SRPK1: variants seen among roughly 807,000 people sequenced by gnomAD.
The protein encoded by SRPK1 is SRSF protein kinase 1.
In SRPK1, 52 loss-of-function variants were observed where a neutral mutation model predicts 89.5. That is an observed-to-expected ratio of 0.58 (90% CI 0.46 to 0.73). SRPK1 has a LOEUF of 0.73. Among genes scored for constraint, SRPK1 ranks in the 30% least tolerant of loss-of-function variants. SRPK1 has a pLI of 0.00. For missense variants in SRPK1, 603 were observed against 780.6 expected (o/e 0.77, Z 2.71); for synonymous variants, 255 against 270.2 (o/e 0.94, Z 0.55).
chr6:35,840,750 C>T (rs1769289005), intron 14 of SRPK1, among the ~76,000 whole-genome samples: 1 of 152,142 alleles, frequency 6.6e-6, no homozygotes, highest in Non-Finnish European at 1.5e-5. Flanking sequence ...ACAAACTATG[C>T]ACACACTAGT....
At chr6:35,870,837 T>C in intron 9 of SRPK1, 97 bp downstream of exon 9, 1 of 1,098,020 alleles carries the variant, frequency 9.1e-7, no homozygotes, top group Non-Finnish European at 1.3e-6. Flanking sequence ...TTCCTTTTGG[T>C]TCTCAAACTT....
At chr6:35,884,200 A>G (rs1455465390) in intron 6 of SRPK1, among the ~76,000 whole-genome samples, 30 of 152,198 alleles carry the variant, frequency 2.0e-4, no homozygotes. Context: ...AAAGTATCCT[A>G]AAGACATAGG....
intron 3 of SRPK1, among the ~76,000 whole-genome samples, chr6:35,890,679 T>C (rs1236797137): frequency 6.6e-6 from 1 of 152,256 alleles, no homozygotes; most frequent in East Asian, 1.9e-4. Flanking sequence ...ATATGTATTA[T>C]AATTTTTAAA....
In SRPK1 at chr6:35,835,231, G is replaced by A; in HGVS notation, c.*73C>T. 1 of 1,319,952 alleles carries A rather than the reference G, an allele frequency of 7.6e-7. No homozygotes were observed. Among genetic ancestry groups the A allele is most frequent in the East Asian group, 2.4e-5 (1 of 42,250 alleles). 81.8% of individuals were successfully genotyped at this position (1,319,952 alleles called of 1,614,324 possible). On this transcript the variant is annotated 3_prime_UTR_variant, in exon 16 of 16. Transcript: ENST00000373825. ...GAAGGAAGAGCTTCACCCTGAAAAG[G>A]GAAGAGGAAAATGCTTGAAGGGGAA...
intron 2 of SRPK1, among the ~76,000 whole-genome samples, chr6:35,906,841 C>A (rs1054932502): frequency 6.6e-6 from 1 of 151,830 alleles, no homozygotes; most frequent in African/African-American, 2.4e-5. Flanking sequence ...GAAAAAAAAA[C>A]CCACTCTAAT....
intron 13 of SRPK1, among the ~76,000 whole-genome samples, chr6:35,843,690 C>T (rs1014185769): frequency 6.6e-6 from 1 of 152,068 alleles, no homozygotes; most frequent in African/African-American, 2.4e-5. Flanking sequence ...ACCTCATGAT[C>T]CACCCGCCTC....
rs187828593 is a variant in SRPK1, at chr6:35,848,709, T to C, written c.1621-6105A>G. Among the ~76,000 whole-genome samples the C allele has an allele frequency of 2.8e-4, 42 of 152,314 alleles. 2 individuals carry two copies. The East Asian group carries it at 5.8e-3, about 21-fold the overall frequency. ...GCCCAGAAATGAACCCACGCATGTA[T>C]GGTCAAGTGATCTTTGACAAAATTG... On this transcript the variant is annotated intron_variant, in intron 13 of 15. Coordinates refer to ENST00000373825, the MANE Select transcript of SRPK1 (RefSeq NM_003137.5).
At chr6:35,877,774 C>T (rs761882718) in intron 6 of SRPK1, among the ~76,000 whole-genome samples, 3 of 150,930 alleles carry the variant, frequency 2.0e-5, no homozygotes, top group African/African-American at 7.3e-5. Context: ...ACCCAGGAGG[C>T]GGAGGTTGCA....
intron 10 of SRPK1, 35 bp from the exon 11 acceptor site, chr6:35,869,936 T>C: frequency 6.6e-7 from 1 of 1,511,908 alleles, no homozygotes; most frequent in South Asian, 1.4e-5. Flanking sequence ...GATATATGCA[T>C]ATGTGTGTGA....
At chr6:35,842,124 T>C (rs1184931018) in intron 14 of SRPK1, among the ~76,000 whole-genome samples, 2 of 152,104 alleles carry the variant, frequency 1.3e-5, no homozygotes, top group African/African-American at 4.8e-5. Context: ...TTTATAGAAA[T>C]AGGATATAGT....
chr6:35,872,530 T>TAA, intron 8 of SRPK1, 33 bp downstream of exon 8: 4 of 1,542,760 alleles, frequency 2.6e-6, no homozygotes, highest in Non-Finnish European at 2.6e-6. Context: ...TTTTAACTTC[T>TAA]AATGATAGCG....
At chr6:35,889,639 G>A (rs9470156) in intron 3 of SRPK1, among the ~76,000 whole-genome samples, 47,818 of 151,654 alleles carry the variant, frequency 0.32, 7,765 homozygotes, top group South Asian at 0.42. Flanking sequence ...ACAAAAATTG[G>A]CCAGTGTCAT....
intron 12 of SRPK1, among the ~76,000 whole-genome samples, chr6:35,868,492 G>A (rs1292165353): frequency 6.6e-6 from 1 of 152,168 alleles, no homozygotes; most frequent in Admixed American, 6.5e-5. Flanking sequence ...TTTGCGTGCA[G>A]AGTCTCATCA....
chr6:35,875,651 A>G (rs148605157), intron 6 of SRPK1, among the ~76,000 whole-genome samples: 1 of 152,326 alleles, frequency 6.6e-6, no homozygotes, highest in East Asian at 1.9e-4. Flanking sequence ...TAATAAATAC[A>G]TAAGGGATTA....
intron 13 of SRPK1, among the ~76,000 whole-genome samples, chr6:35,853,604 C>T (rs1273806138): frequency 2.0e-5 from 3 of 152,132 alleles, no homozygotes; most frequent in African/African-American, 7.2e-5. Context: ...CACTTCACCC[C>T]ATGTCCTAAA....
intron 6 of SRPK1, among the ~76,000 whole-genome samples, chr6:35,882,597 GTTATATTTTAAGAGTCCTT>G (rs1770319960): frequency 6.6e-6 from 1 of 151,950 alleles, no homozygotes; most frequent in South Asian, 2.1e-4. Flanking sequence ...GCCTGGCTAG[GTTATATTTTAAGAGTCCTT>G]GTCATTTAGA....
At chr6:35,870,731 G>A (rs1428676430) in intron 9 of SRPK1, among the ~76,000 whole-genome samples, 1 of 152,154 alleles carries the variant, frequency 6.6e-6, no homozygotes, top group Non-Finnish European at 1.5e-5. Context: ...TTTACATTCA[G>A]ACAAACTCGA....
At chr6:35,837,206 T>C (rs1420441405) in intron 15 of SRPK1, among the ~76,000 whole-genome samples, 3 of 152,164 alleles carry the variant, frequency 2.0e-5, no homozygotes, top group Non-Finnish European at 4.4e-5. Context: ...AACTAAAAAG[T>C]GTGAAGTTCG....
chr6:35,897,154 T>C (rs998242512), intron 2 of SRPK1, among the ~76,000 whole-genome samples: 1 of 152,228 alleles, frequency 6.6e-6, no homozygotes, highest in Non-Finnish European at 1.5e-5. Context: ...ATAACAATTC[T>C]GAATATGTTA....
Sources: allele counts gnomAD v4.1 joint callset (sites outside exome capture counted in the v4.1 genomes callset), GRCh38; gene constraint gnomAD v4.1.1; transcripts MANE v1.5; gene names NCBI Gene and HGNC (gene_info 2026-07-23, HGNC 2026-07-21).